The following FMNL3 variants were observed in gnomAD, a reference collection of about 807,000 sequenced individuals.
The protein encoded by FMNL3 is formin like 3, also known as formin-like protein 3.
A neutral mutation model predicts 119.6 loss-of-function variants in FMNL3; 57 were observed. That is an observed-to-expected ratio of 0.48 (90% CI 0.39 to 0.59). The LOEUF is 0.59. FMNL3 is among the 20% of genes least tolerant of loss of function. The pLI is 0.00. For synonymous variants in FMNL3, 491 were observed against 507.3 expected (o/e 0.97, Z 0.43); for missense variants, 1,053 against 1,323.5 (o/e 0.80, Z 3.17).
chr12:49,646,657 G>A (rs1256861862), intron 25 of FMNL3: 4 of 1,532,938 alleles, frequency 2.6e-6, no homozygotes, highest in Non-Finnish European at 3.5e-6. Context: ...CCCCAACCTT[G>A]GGGGCTAACA....
At chr12:49,699,278 C>T (rs934782004) in intron 1 of FMNL3, among the ~76,000 whole-genome samples, 28 of 152,230 alleles carry the variant, frequency 1.8e-4, no homozygotes, top group South Asian at 1.7e-3. Context: ...GTGTTGACCA[C>T]AGAACCAGGA....
Position 49,642,128 on chromosome 12 carries a change from G to A in FMNL3, c.*3687C>T, listed in dbSNP as rs1046850383. 7 of 1,603,642 alleles carry A rather than the reference G, an allele frequency of 4.4e-6. No individual in the cohort carries two copies. The Admixed American group carries it at 1.2e-4, about 27-fold the overall frequency. Reference sequence around the variant, plus strand: ...TGACTATATTCCCAATTCAGGGGATGGTGGTAGAAGCCCAGACCCTAACTT... The same window carrying A: ...TGACTATATTCCCAATTCAGGGGATAGTGGTAGAAGCCCAGACCCTAACTT... On this transcript the variant is annotated 3_prime_UTR_variant, in exon 26 of 26. Coordinates refer to ENST00000335154, the MANE Select transcript of FMNL3 (RefSeq NM_175736.5). This position sits in a 1 kb window ranked among gnomAD's most constrained non-coding sequence, Gnocchi z 5.8.
At chr12:49,650,146 C>T (rs144972018) in intron 17 of FMNL3, among the ~76,000 whole-genome samples, 4 of 152,288 alleles carry the variant, frequency 2.6e-5, no homozygotes, top group East Asian at 1.9e-4. Context: ...TCCCACTGTA[C>T]CTAGGGTGAA....
At chr12:49,678,965 G>A (rs1944265770) in intron 1 of FMNL3, among the ~76,000 whole-genome samples, 1 of 152,152 alleles carries the variant, frequency 6.6e-6, no homozygotes, top group African/African-American at 2.4e-5. Flanking sequence ...GAAAAGTCGG[G>A]TGATAAAGGA....
chr12:49,646,060 T>G (rs1021739929), intron 25 of FMNL3, among the ~76,000 whole-genome samples, 157 bp from the exon 26 acceptor site: 1 of 151,930 alleles, frequency 6.6e-6, no homozygotes, highest in African/African-American at 2.4e-5. Context: ...GTTGGGGAAA[T>G]TGCTGGTTGG....
At chr12:49,668,599 C>T in intron 1 of FMNL3, 45 bp from the exon 2 acceptor site, 1 of 1,573,260 alleles carries the variant, frequency 6.4e-7, no homozygotes, top group Non-Finnish European at 8.7e-7. Context: ...CTCCCCTCAT[C>T]TGGAAAAGAG....
intron 12 of FMNL3, 45 bp downstream of exon 12, chr12:49,653,680 G>A (rs1943476780): frequency 2.5e-6 from 4 of 1,609,712 alleles, no homozygotes; most frequent in Non-Finnish European, 2.5e-6. Context: ...GGTTACTTGA[G>A]CTTCCATCAA....
rs1176335639 is a variant in FMNL3 at position 49,649,616 on chromosome 12, G to A, written c.2235+75C>T. The stretch of plus-strand genomic sequence containing the variant: ...CAGGGAGGGGTCAGAAGGACTGGAA[G>A]GGCAGGGGAGGTGACTAGCAGATGG... On this transcript the variant is annotated intron_variant, in intron 18 of 25. Transcript: ENST00000335154. This position sits in a 1 kb window ranked among gnomAD's most constrained non-coding sequence, Gnocchi z 5.6. 2.5e-6 allele frequency: 4 copies of A among 1,610,764 alleles called. No individual in the cohort carries two copies. The highest frequency in any genetic ancestry group is 1.3e-5 in the African/African-American group (1 of 74,880).
chr12:49,685,397 G>A (rs924998870), intron 1 of FMNL3, among the ~76,000 whole-genome samples: 2 of 152,108 alleles, frequency 1.3e-5, no homozygotes, highest in African/African-American at 2.4e-5. Context: ...AGGAGGTGGA[G>A]GTTGCAGTGA....
chr12:49,672,835 G>A (rs192174169), intron 1 of FMNL3, among the ~76,000 whole-genome samples: 37 of 152,242 alleles, frequency 2.4e-4, no homozygotes, highest in Non-Finnish European at 2.9e-4. Flanking sequence ...GCCAGGCCTG[G>A]GGAAAACCCA....
chr12:49,663,627 G>A (rs1012933725), intron 4 of FMNL3, among the ~76,000 whole-genome samples: 1 of 152,252 alleles, frequency 6.6e-6, no homozygotes, highest in Non-Finnish European at 1.5e-5. Context: ...TGGGAACAAA[G>A]GACCAGGTCC....
Position 49,662,025 on chromosome 12 carries a change from A to T in FMNL3, c.393T>A (p.Asp131Glu). 2 of 1,614,144 alleles carry T rather than the reference A, an allele frequency of 1.2e-6. No individual in the cohort carries two copies. The highest frequency in any genetic ancestry group is 2.2e-5 in the East Asian group (1 of 44,876). The change falls in exon 5 of 26, where the codon GAT becomes GAA. Residue 131 changes from aspartate (D) to glutamate (E), a missense_variant. Asp to Glu is a conservative substitution (Grantham distance 45, BLOSUM62 2). This residue lies in a region of FMNL3 where 264 missense variants were observed against 265.5 expected (regional missense o/e 0.99). Coordinates refer to ENST00000335154, the MANE Select transcript of FMNL3 (RefSeq NM_175736.5). ...HIGWVREFLN[D>E]ENKGLDVLVD... The stretch of plus-strand genomic sequence containing the variant: ...CCAGTACATCCAGGCCTTTGTTTTC[A>T]TCATTCAGAAATTCCCGCACCCACC...
Position 49,636,747 on chromosome 12 carries a change from T to G in FMNL3, c.*9068A>C, listed in dbSNP as rs749402466. 1 of 1,614,210 alleles carries G rather than the reference T, an allele frequency of 6.2e-7. No individual in the cohort carries two copies. ...ACAAGGAAGATGCACTGATCTGTTT[T>G]GAGGAGCACATCCGAGCTTTGGAGA... On this transcript the variant is annotated 3_prime_UTR_variant, in exon 26 of 26. Coordinates refer to ENST00000335154, the MANE Select transcript of FMNL3 (RefSeq NM_175736.5).
intron 4 of FMNL3, among the ~76,000 whole-genome samples, chr12:49,663,431 C>A (rs1351144310): frequency 6.6e-6 from 1 of 152,218 alleles, no homozygotes; most frequent in East Asian, 1.9e-4. Context: ...CAGGCTGTGA[C>A]CAAAGCAGGA....
chr12:49,656,311 AT>A (rs1241268921), intron 9 of FMNL3, 92 bp downstream of exon 9: 6 of 925,620 alleles, frequency 6.5e-6, no homozygotes, highest in Non-Finnish European at 9.8e-6. Flanking sequence ...GTTAAAAATC[AT>A]TGCAGATCAC....
At chr12:49,675,079 T>C (rs1944147952) in intron 1 of FMNL3, among the ~76,000 whole-genome samples, 1 of 152,190 alleles carries the variant, frequency 6.6e-6, no homozygotes, top group Non-Finnish European at 1.5e-5. Flanking sequence ...TGGTAAAGCC[T>C]CAAACTCTTT....
chr12:49,672,731 T>C (rs1290374991), intron 1 of FMNL3, among the ~76,000 whole-genome samples: 3 of 152,186 alleles, frequency 2.0e-5, no homozygotes, highest in African/African-American at 7.2e-5. Flanking sequence ...TCCTTCCCAC[T>C]GCAGGGGAAG....
chr12:49,669,723 T>C (rs761779855), intron 1 of FMNL3, among the ~76,000 whole-genome samples: 83 of 152,148 alleles, frequency 5.5e-4, no homozygotes, highest in Non-Finnish European at 7.8e-4. Context: ...TCCCAGCTAC[T>C]CAGGTTGCCA....
In FMNL3 at chr12:49,667,392, C is replaced by A. The variant is rs569474940; in HGVS notation, c.210+1079G>T. Among the ~76,000 whole-genome samples the A allele has an allele frequency of 1.9e-4, 29 of 152,328 alleles. 1 individual carries two copies. The South Asian group carries it at 2.1e-3, about 11-fold the overall frequency. ...TCTCCAAACCCCAAGCAGGTGCTAA[C>A]CAACTCCTCTTAATGCAGAACACAA... On this transcript the variant is annotated intron_variant, in intron 2 of 25. Coordinates refer to ENST00000335154, the MANE Select transcript of FMNL3 (RefSeq NM_175736.5).
Sources: gnomAD v4.1 joint callset for allele counts (sites outside exome capture counted in the v4.1 genomes callset) on GRCh38, gnomAD v4.1.1 for gene constraint, gnomAD v4.1.1 regional missense constraint, Gnocchi (gnomAD v3.1) non-coding constraint, MANE v1.5 for transcripts, NCBI Gene and HGNC (gene_info 2026-07-23, HGNC 2026-07-21) for gene names.